SLCO1A2: variants seen among roughly 807,000 people sequenced by gnomAD.
The protein encoded by SLCO1A2 is solute carrier organic anion transporter family member 1A2, also known as OATP-1.
SLCO1A2 carries 67 observed loss-of-function variants against 69.0 expected under a neutral mutation model. The observed-to-expected ratio is 0.97, with a 90% CI of 0.80 to 1.19. The LOEUF (loss-of-function observed/expected upper bound fraction) is 1.19, where lower values mean the gene tolerates loss of function less well. SLCO1A2 is among the 50% of genes most tolerant of loss of function. The pLI is 0.00. For missense variants in SLCO1A2, 787 were observed against 793.7 expected (o/e 0.99, Z 0.10); for synonymous variants, 260 against 265.9 (o/e 0.98, Z 0.22).
At chr12:21,299,458 T>A (rs1948233712) in intron 8 of SLCO1A2, among the ~76,000 whole-genome samples, 1 of 152,010 alleles carries the variant, frequency 6.6e-6, no homozygotes, top group Non-Finnish European at 1.5e-5. Flanking sequence ...TATCTTATGA[T>A]CATTTTTAAA....
intron 2 of SLCO1A2, among the ~76,000 whole-genome samples, chr12:21,355,408 G>A (rs888706514): frequency 2.0e-5 from 3 of 152,156 alleles, no homozygotes; most frequent in Non-Finnish European, 1.5e-5. Context: ...CGAAGTGTGA[G>A]GGGGTAGGCA....
At chr12:21,329,405 C>G (rs375649090) in intron 2 of SLCO1A2, among the ~76,000 whole-genome samples, 2 of 152,094 alleles carry the variant, frequency 1.3e-5, no homozygotes, top group Non-Finnish European at 2.9e-5. Flanking sequence ...GACAGACCCA[C>G]CTCTGGGCCT....
At chr12:21,332,018 G>C (rs1227633794) in intron 2 of SLCO1A2, among the ~76,000 whole-genome samples, 1 of 152,084 alleles carries the variant, frequency 6.6e-6, no homozygotes, top group Non-Finnish European at 1.5e-5. Flanking sequence ...CCTCCACTCA[G>C]AATCCTTTCA....
intron 2 of SLCO1A2, among the ~76,000 whole-genome samples, chr12:21,347,227 T>C (rs1953282124): frequency 6.6e-6 from 1 of 152,212 alleles, no homozygotes; most frequent in Non-Finnish European, 1.5e-5. Context: ...TAACTATTTA[T>C]AGGCTATGAT....
intron 2 of SLCO1A2, among the ~76,000 whole-genome samples, chr12:21,370,671 A>G (rs138228521): frequency 6.6e-6 from 1 of 152,276 alleles, no homozygotes; most frequent in East Asian, 1.9e-4. Context: ...AGAGAAACAA[A>G]AAAGGTTATG....
rs2135999618 is a variant in SLCO1A2, at chr12:21,264,753, T to C, written c.*4795A>G. 6.6e-6 allele frequency: 1 copy of C among 152,294 alleles called. No homozygotes were observed. The highest frequency in any genetic ancestry group is 2.1e-4 in the South Asian group (1 of 4,820). The allele number at this position is 152,294 out of a possible 1,614,324, so 9.4% of individuals were successfully genotyped here. On this transcript the variant is annotated 3_prime_UTR_variant, in exon 15 of 15. Coordinates refer to ENST00000683939, the MANE Select transcript of SLCO1A2 (RefSeq NM_001386879.1). Reference sequence around the variant, plus strand: ...TCCTGGAAAGGTTGCCCCTTCTGGATTTCATGACCTTTCTTAAGGGTAAGA... The same window carrying C: ...TCCTGGAAAGGTTGCCCCTTCTGGACTTCATGACCTTTCTTAAGGGTAAGA...
chr12:21,378,641 T>C (rs1423906095), intron 1 of SLCO1A2: 1 of 495,812 alleles, frequency 2.0e-6, no homozygotes, highest in East Asian at 3.1e-5. Context: ...GTTTTTGCTA[T>C]AGATTTGTAT....
In SLCO1A2 at chr12:21,395,031, A is replaced by G. The variant is rs137935320; in HGVS notation, c.-315T>C. On this transcript the variant is annotated 5_prime_UTR_variant, in exon 1 of 16. Coordinates refer to the SLCO1A2 transcript ENST00000307378. ...CAAGGGGAGAGGAGCCAAGATGGCC[A>G]AATAGGAACAGCTCCGGTGCACAGC... The G allele has an allele frequency of 6.7e-3, 1,041 of 155,660 alleles. 7 individuals are homozygous for G. The highest frequency in any genetic ancestry group is 0.031 in the East Asian group (163 of 5,236). The allele number at this position is 155,660 out of a possible 1,614,324, so 9.6% of individuals were successfully genotyped here.
intron 12 of SLCO1A2, among the ~76,000 whole-genome samples, chr12:21,276,027 G>GTTCT (rs953135403): frequency 1.3e-5 from 2 of 151,834 alleles, no homozygotes; most frequent in African/African-American, 4.8e-5. Flanking sequence ...ATTTTATATA[G>GTTCT]TTCTTACTAA....
chr12:21,310,863 A>G (rs1302046088), intron 4 of SLCO1A2, among the ~76,000 whole-genome samples: 1 of 152,126 alleles, frequency 6.6e-6, no homozygotes, highest in Non-Finnish European at 1.5e-5. Flanking sequence ...TTGGCCTTTC[A>G]AAGTGCTAGG....
chr12:21,357,826 A>G (rs187004728), intron 2 of SLCO1A2, among the ~76,000 whole-genome samples: 1 of 152,354 alleles, frequency 6.6e-6, no homozygotes, highest in East Asian at 1.9e-4. Context: ...TTCTTTTAAA[A>G]TATGAAAACA....
chr12:21,332,646 T>C (rs1017326713), intron 2 of SLCO1A2, among the ~76,000 whole-genome samples: 2 of 152,072 alleles, frequency 1.3e-5, no homozygotes, highest in African/African-American at 4.8e-5. Context: ...TGAATTTTAT[T>C]TGTGGCTTAG....
chr12:21,300,538 A>G lies in SLCO1A2; in HGVS notation c.720T>C (p.Arg240=), dbSNP rs778952351. 5 of 1,612,580 alleles carry G rather than the reference A, an allele frequency of 3.1e-6. No individual in the cohort carries two copies. Among genetic ancestry groups the G allele is most frequent in the Non-Finnish European group, 4.2e-6 (5 of 1,179,354 alleles). ...AGCCAAACCACCATGCACCGACCCA[A>G]CGAGTGTCAGTGGGAGTTATGATCA... The part of the protein sequence containing the change: ...DDLIITPTDT[R]WVGAWWFGFL... The change falls in exon 8 of 15, where the codon CGT becomes CGC. Residue 240 remains arginine, a synonymous_variant. Coordinates refer to ENST00000683939, the MANE Select transcript of SLCO1A2 (RefSeq NM_001386879.1).
At chr12:21,326,191 A>T (rs73237235) in intron 2 of SLCO1A2, among the ~76,000 whole-genome samples, 1 of 152,170 alleles carries the variant, frequency 6.6e-6, no homozygotes, top group South Asian at 2.1e-4. Context: ...TGCATCTTCC[A>T]TCATGACTGT....
upstream of SLCO1A2, among the ~76,000 whole-genome samples, chr12:21,397,532 A>G (rs1197432775): frequency 1.3e-5 from 2 of 152,276 alleles, no homozygotes; most frequent in African/African-American, 4.8e-5. Flanking sequence ...CCTAATAGAC[A>G]TCTACAGAAC....
chr12:21,365,667 C>A (rs1312071038), intron 2 of SLCO1A2, among the ~76,000 whole-genome samples: 1 of 152,044 alleles, frequency 6.6e-6, no homozygotes, highest in Non-Finnish European at 1.5e-5. Context: ...GGGCTAATAT[C>A]CAGAATCTAC....
At chr12:21,380,302 A>G (rs78164091) in intron 1 of SLCO1A2, among the ~76,000 whole-genome samples, 151 of 152,316 alleles carry the variant, frequency 9.9e-4, no homozygotes, top group African/African-American at 3.4e-3. Flanking sequence ...TAATGAGTGC[A>G]TATCATGTTC....
intron 12 of SLCO1A2, among the ~76,000 whole-genome samples, chr12:21,277,390 G>T (rs1234301014): frequency 6.6e-6 from 1 of 152,086 alleles, no homozygotes; most frequent in Non-Finnish European, 1.5e-5. Context: ...ATAACCAACA[G>T]CTATACGCAG....
chr12:21,296,432 A>C (rs755717436), intron 9 of SLCO1A2, among the ~76,000 whole-genome samples: 20 of 152,024 alleles, frequency 1.3e-4, no homozygotes, highest in Non-Finnish European at 2.2e-4. Context: ...TTGCAGAGAC[A>C]AAGTCTTGCT....
Sources: allele counts gnomAD v4.1 joint callset (sites outside exome capture counted in the v4.1 genomes callset), GRCh38; gene constraint gnomAD v4.1.1; transcripts MANE v1.5; gene names NCBI Gene and HGNC (gene_info 2026-07-23, HGNC 2026-07-21).